USP45: variants seen among roughly 807,000 people sequenced by gnomAD.
The protein encoded by USP45 is ubiquitin carboxyl-terminal hydrolase 45.
A neutral mutation model predicts 95.8 loss-of-function variants in USP45; 89 were observed. That is an observed-to-expected ratio of 0.93 (90% CI 0.78 to 1.11). The LOEUF (loss-of-function observed/expected upper bound fraction) is 1.11, where lower values mean the gene tolerates loss of function less well. Among genes scored for constraint, USP45 ranks in the 50% least tolerant of loss-of-function variants. USP45 has a pLI of 0.00. For missense variants in USP45, 898 were observed against 942.5 expected, an observed-to-expected ratio of 0.95 and a Z score of 0.62; for synonymous variants, 281 against 316.2, an observed-to-expected ratio of 0.89 and a Z score of 1.18.
At chr6:99,443,042 A>C (rs1437366322) in intron 15 of USP45, among the ~76,000 whole-genome samples, 1 of 152,130 alleles carries the variant, frequency 6.6e-6, no homozygotes, top group Non-Finnish European at 1.5e-5. Context: ...ACATGGTGAA[A>C]TCCTATTTCT....
chr6:99,456,612 T>C (rs2128596148), intron 13 of USP45, among the ~76,000 whole-genome samples: 1 of 152,330 alleles, frequency 6.6e-6, no homozygotes, highest in Admixed American at 6.5e-5. Context: ...CACTTATCAC[T>C]TCCCCAATCA....
chr6:99,451,751 G>T (rs547071731), intron 13 of USP45, among the ~76,000 whole-genome samples: 1 of 152,294 alleles, frequency 6.6e-6, no homozygotes, highest in South Asian at 2.1e-4. Flanking sequence ...AACAAAGCTG[G>T]AGGCATCAGG....
At chr6:99,438,942 A>G (rs1781018422) in intron 16 of USP45, among the ~76,000 whole-genome samples, 1 of 152,208 alleles carries the variant, frequency 6.6e-6, no homozygotes, top group Non-Finnish European at 1.5e-5. Flanking sequence ...TCATAAGTTT[A>G]ACACAAAGAT....
intron 13 of USP45, among the ~76,000 whole-genome samples, chr6:99,463,533 C>A (rs12207489): frequency 0.27 from 40,308 of 151,902 alleles, 5,895 homozygotes; most frequent in Admixed American, 0.35. Context: ...GAGAGGGAAT[C>A]TGTAGATGAA....
At chr6:99,473,647 C>T (rs563463923) in intron 9 of USP45, among the ~76,000 whole-genome samples, 3 of 151,688 alleles carry the variant, frequency 2.0e-5, no homozygotes, top group Non-Finnish European at 4.4e-5. Context: ...CCCAGCTACT[C>T]GGGAGGCTGA....
At chr6:99,443,890 C>A (rs1781980703) in intron 14 of USP45, among the ~76,000 whole-genome samples, 1 of 151,990 alleles carries the variant, frequency 6.6e-6, no homozygotes, top group African/African-American at 2.4e-5. Context: ...GGAGAGGTAA[C>A]ACGAAACAAA....
intron 13 of USP45, among the ~76,000 whole-genome samples, chr6:99,451,342 G>A (rs887134137): frequency 1.2e-4 from 18 of 152,124 alleles, no homozygotes; most frequent in African/African-American, 4.1e-4. Context: ...AAAGTCTCAG[G>A]ATACAAAATC....
In USP45 at chr6:99,510,194, A is replaced by C; in HGVS notation, c.27T>G (p.Ala9=). ...TACTTCTTTTGGCTTTCTCAGGTAA[A>C]GCTTTAGTTGGATCTTTCACCCGCA... MRVKDPTK[A]LPEKAKRSKR... The change falls in exon 2 of 18, where the codon GCT becomes GCG. Residue 9 remains alanine (A), a synonymous_variant. Coordinates refer to ENST00000500704, the MANE Select transcript of USP45 (RefSeq NM_001346022.3). The C allele has an allele frequency of 6.2e-7, 1 of 1,613,858 alleles. No individual in the cohort carries two copies. Among genetic ancestry groups the C allele is most frequent in the Non-Finnish European group, 8.5e-7 (1 of 1,179,862 alleles).
chr6:99,456,951 T>C (rs4428510), intron 13 of USP45, among the ~76,000 whole-genome samples: 149,440 of 152,324 alleles, frequency 0.98, 73,367 homozygotes, highest in Non-Finnish European at 1. Context: ...AGAGAATGCG[T>C]GCCTGGGGGT....
intron 5 of USP45, among the ~76,000 whole-genome samples, chr6:99,493,585 C>A (rs943170480): frequency 6.6e-6 from 1 of 152,170 alleles, no homozygotes; most frequent in Non-Finnish European, 1.5e-5. Flanking sequence ...GCAACCTCCA[C>A]CTCCTGGGTT....
intron 4 of USP45, among the ~76,000 whole-genome samples, chr6:99,505,980 T>C (rs942632552): frequency 6.6e-6 from 1 of 152,138 alleles, no homozygotes; most frequent in Non-Finnish European, 1.5e-5. Flanking sequence ...ATGCATCATT[T>C]ATATATTAAG....
At position 99,437,273 on chromosome 6, in the gene USP45, GT is replaced by G. The variant is rs1455427134; in HGVS notation, c.2286del (p.Glu762AspfsTer12). Reference protein sequence around the residue: ...KVRTPSRKLSEHNTKKKNVPG... With the variant: ...KVRTPSRKLSXHNTKKKNVPG... ...GGCACATTTTTCTTTTTAGTGTTAT[GT>G]TCCGATAATTTCCTGGAGGGTGTTC... On this transcript the variant is annotated frameshift_variant, in exon 17 of 18. Coordinates refer to ENST00000500704, the MANE Select transcript of USP45 (RefSeq NM_001346022.3). LOFTEE classifies it high-confidence loss of function. 1 of 1,610,344 alleles carries G rather than the reference GT, an allele frequency of 6.2e-7. No individual in the cohort carries two copies.
chr6:99,484,527 C>T (rs1298947708), intron 7 of USP45, among the ~76,000 whole-genome samples: 1 of 152,020 alleles, frequency 6.6e-6, no homozygotes, highest in African/African-American at 2.4e-5. Context: ...GGCTGGATGC[C>T]ATGACTCACA....
At chr6:99,477,839 C>T (rs769869701) in intron 8 of USP45, among the ~76,000 whole-genome samples, 1 of 152,144 alleles carries the variant, frequency 6.6e-6, no homozygotes, top group Non-Finnish European at 1.5e-5. Flanking sequence ...GTGGACAGAA[C>T]CCACCTCCTA....
intron 8 of USP45, among the ~76,000 whole-genome samples, chr6:99,481,420 T>A (rs1325411481): frequency 6.6e-6 from 1 of 152,216 alleles, no homozygotes; most frequent in Non-Finnish European, 1.5e-5. Context: ...TAAACCTTTA[T>A]AACCAGGAAG....
intron 8 of USP45, among the ~76,000 whole-genome samples, chr6:99,477,226 CGAA>C (rs1562377747): frequency 1.3e-5 from 2 of 152,120 alleles, no homozygotes; most frequent in African/African-American, 4.8e-5. Context: ...TTGAGAAAAT[CGAA>C]GAACAAGCTA....
intron 5 of USP45, among the ~76,000 whole-genome samples, chr6:99,502,592 A>G (rs1434218706): frequency 6.6e-6 from 1 of 152,216 alleles, no homozygotes; most frequent in Non-Finnish European, 1.5e-5. Flanking sequence ...AACAAATAAC[A>G]GACACCATTT....
At chr6:99,489,984 T>C (rs979519989) in intron 5 of USP45, among the ~76,000 whole-genome samples, 5 of 152,188 alleles carry the variant, frequency 3.3e-5, no homozygotes, top group East Asian at 1.9e-4. Flanking sequence ...TATCAGTTCA[T>C]GTTTACTAAT....
chr6:99,483,626 C>T (rs1463950079), intron 7 of USP45, among the ~76,000 whole-genome samples: 2 of 151,666 alleles, frequency 1.3e-5, no homozygotes, highest in Non-Finnish European at 2.9e-5. Context: ...ATCATGAGGT[C>T]AGGAGATCGA....
Sources: allele counts gnomAD v4.1 joint callset (sites outside exome capture counted in the v4.1 genomes callset), GRCh38; gene constraint gnomAD v4.1.1; transcripts MANE v1.5; gene names NCBI Gene and HGNC (gene_info 2026-07-23, HGNC 2026-07-21).